UBE4B: variants seen among roughly 807,000 people sequenced by gnomAD.
UBE4B encodes ubiquitin conjugation factor E4 B.
A neutral mutation model predicts 148.1 loss-of-function variants in UBE4B; 27 were observed. The ratio of observed to expected loss-of-function variants is 0.18; its 90% CI spans 0.13 to 0.25. UBE4B has a LOEUF of 0.25. UBE4B is among the 10% of genes least tolerant of loss of function. The pLI is 1.00. For synonymous variants in UBE4B, 596 were observed against 619.3 expected (o/e 0.96, Z 0.56); for missense variants, 1,170 against 1,662.4 (o/e 0.70, Z 5.15).
At chr1:10,104,522 G>C (rs938721647) in intron 5 of UBE4B, among the ~76,000 whole-genome samples, 2 of 152,096 alleles carry the variant, frequency 1.3e-5, no homozygotes, top group African/African-American at 4.8e-5. Flanking sequence ...ATATCAAGGA[G>C]ATCACCTTTC....
intron 1 of UBE4B, among the ~76,000 whole-genome samples, chr1:10,068,513 C>A (rs777665484): frequency 1.7e-4 from 26 of 151,904 alleles, no homozygotes; most frequent in Admixed American, 5.2e-4. Context: ...CCATACCTGG[C>A]TAATTTTTGG....
intron 22 of UBE4B, among the ~76,000 whole-genome samples, chr1:10,160,099 C>T (rs1230833576): frequency 6.6e-6 from 1 of 152,212 alleles, no homozygotes; most frequent in Non-Finnish European, 1.5e-5. Context: ...CTTTTTTTCT[C>T]TACGAATCTG....
chr1:10,069,938 A>G (rs1644455432), intron 1 of UBE4B, among the ~76,000 whole-genome samples: 1 of 152,120 alleles, frequency 6.6e-6, no homozygotes, highest in Non-Finnish European at 1.5e-5. Flanking sequence ...TTGAATTTGA[A>G]TTAGAAATCA....
intron 1 of UBE4B, among the ~76,000 whole-genome samples, chr1:10,064,063 G>A (rs1473212490): frequency 6.6e-6 from 1 of 152,092 alleles, no homozygotes; most frequent in Non-Finnish European, 1.5e-5. Context: ...TTTCTTGTCT[G>A]TGCCTCACCA....
chr1:10,046,858 A>G (rs956255261), intron 1 of UBE4B, among the ~76,000 whole-genome samples: 1 of 152,206 alleles, frequency 6.6e-6, no homozygotes, highest in Admixed American at 6.5e-5. Context: ...GACCGCGGAC[A>G]TTCCTCAGGC....
At chr1:10,041,056 A>G (rs1643743759) in intron 1 of UBE4B, among the ~76,000 whole-genome samples, 1 of 152,132 alleles carries the variant, frequency 6.6e-6, no homozygotes, top group South Asian at 2.1e-4. Context: ...GGACAGTGGG[A>G]TGTATCCTGC....
chr1:10,161,307 C>T lies in UBE4B; in HGVS notation c.3198+21C>T. On this transcript the variant is annotated intron_variant, in intron 23 of 27. Coordinates refer to ENST00000343090, the MANE Select transcript of UBE4B (RefSeq NM_001105562.3). The surrounding 1 kb of genome is among the most constrained non-coding windows in gnomAD (Gnocchi z 4.1). Reference sequence around the variant, plus strand: ...CCCGGGTGAGGACGTGGTCCAGAGGCTTGGACAGCTTTGCAGGCCATCTGC... The same window carrying T: ...CCCGGGTGAGGACGTGGTCCAGAGGTTTGGACAGCTTTGCAGGCCATCTGC... 1 of 1,610,046 alleles carries T rather than the reference C, an allele frequency of 6.2e-7. No homozygotes were observed. The highest frequency in any genetic ancestry group is 2.2e-5 in the East Asian group (1 of 44,768).
At chr1:10,157,874 C>G (rs919527515) in intron 21 of UBE4B, among the ~76,000 whole-genome samples, 1 of 152,142 alleles carries the variant, frequency 6.6e-6, no homozygotes, top group Non-Finnish European at 1.5e-5. Context: ...TTTTATCCCT[C>G]TTTAATAGAT....
At chr1:10,095,363 A>T (rs1300524972) in intron 2 of UBE4B, 98 bp from the exon 3 acceptor site, 1 of 1,452,296 alleles carries the variant, frequency 6.9e-7, no homozygotes. Flanking sequence ...CAATGTCATG[A>T]TGGGTGACTG....
intron 22 of UBE4B, among the ~76,000 whole-genome samples, chr1:10,159,837 G>A (rs1008821337): frequency 6.6e-6 from 1 of 152,204 alleles, no homozygotes; most frequent in Admixed American, 6.5e-5. Flanking sequence ...TTGCCAGATA[G>A]ATTTCTGTGA....
intron 2 of UBE4B, among the ~76,000 whole-genome samples, chr1:10,088,906 T>G (rs1201466280): frequency 6.6e-6 from 1 of 151,932 alleles, no homozygotes; most frequent in Non-Finnish European, 1.5e-5. Context: ...CTTAACCTCC[T>G]GGGCTCAAGC....
At chr1:10,095,061 G>T (rs1306701632) in intron 2 of UBE4B, among the ~76,000 whole-genome samples, 1 of 152,202 alleles carries the variant, frequency 6.6e-6, no homozygotes, top group Non-Finnish European at 1.5e-5. Flanking sequence ...TTCCAGGCAT[G>T]AGCCACTGCA....
At chr1:10,124,990 G>C (rs917496893) in intron 10 of UBE4B, among the ~76,000 whole-genome samples, 1 of 152,176 alleles carries the variant, frequency 6.6e-6, no homozygotes, top group Admixed American at 6.6e-5. Context: ...AGCTGGCGCA[G>C]AAGTGCATGC....
At chr1:10,125,996 G>A (rs1221000032) in intron 10 of UBE4B, among the ~76,000 whole-genome samples, 2 of 152,130 alleles carry the variant, frequency 1.3e-5, no homozygotes, top group Admixed American at 1.3e-4. Context: ...ATGGGGAAAA[G>A]CTTTTAAAAA....
intron 1 of UBE4B, among the ~76,000 whole-genome samples, chr1:10,062,721 G>A (rs61650275): frequency 6.6e-6 from 1 of 152,004 alleles, no homozygotes; most frequent in African/African-American, 2.4e-5. Flanking sequence ...TTTTGGGTGA[G>A]TGAGGCAAGT....
intron 20 of UBE4B, among the ~76,000 whole-genome samples, chr1:10,149,497 A>G (rs541304019): frequency 5.6e-4 from 85 of 152,318 alleles, no homozygotes; most frequent in African/African-American, 2.0e-3. Context: ...AACAGTGCAG[A>G]TAATGTATTC....
chr1:10,176,066 C>G (rs1557620829), intron 25 of UBE4B, among the ~76,000 whole-genome samples: 1 of 152,204 alleles, frequency 6.6e-6, no homozygotes, highest in Non-Finnish European at 1.5e-5. Context: ...CTATTCACCT[C>G]TCCGGGATAT....
intron 1 of UBE4B, among the ~76,000 whole-genome samples, chr1:10,065,842 A>G (rs1644376759): frequency 6.6e-6 from 1 of 152,256 alleles, no homozygotes; most frequent in Admixed American, 6.5e-5. Context: ...ACTAATAATA[A>G]TGTTCATTAT....
Position 10,180,052 on chromosome 1 carries a change from G to A in UBE4B, c.*96G>A. 1 of 1,536,780 alleles carries A rather than the reference G, an allele frequency of 6.5e-7. No individual in the cohort carries two copies. The highest frequency in any genetic ancestry group is 8.9e-7 in the Non-Finnish European group (1 of 1,121,976). ...CGAAGCTGCCGTTCATGTGTTGGAG[G>A]CCAAATGTGGCAAACCAACCCCAGG... On this transcript the variant is annotated 3_prime_UTR_variant, in exon 28 of 28. Coordinates refer to ENST00000343090, the MANE Select transcript of UBE4B (RefSeq NM_001105562.3).
Sources: gnomAD v4.1 joint callset for allele counts (sites outside exome capture counted in the v4.1 genomes callset) on GRCh38, gnomAD v4.1.1 for gene constraint, Gnocchi (gnomAD v3.1) non-coding constraint, MANE v1.5 for transcripts, NCBI Gene and HGNC (gene_info 2026-07-23, HGNC 2026-07-21) for gene names.